Variants in RCC1L observed in about 807,000 individuals in gnomAD.
The protein encoded by RCC1L is RCC1 like.
Under a neutral mutation model 58.6 loss-of-function variants are expected in RCC1L, and 46 were observed. The observed-to-expected ratio is 0.79, with a 90% CI of 0.62 to 1.00. The LOEUF is 1.00. Among genes scored for constraint, RCC1L ranks in the 50% least tolerant of loss-of-function variants. The probability of loss-of-function intolerance (pLI) is 0.00; values close to 1 mark genes in which losing one functional copy is unlikely to be tolerated. For missense variants in RCC1L, 636 were observed against 623.6 expected (o/e 1.02, Z -0.21); for synonymous variants, 281 against 262.9 (o/e 1.07, Z -0.67).
intron 4 of RCC1L, among the ~76,000 whole-genome samples, 160 bp downstream of exon 4, chr7:75,064,422 A>G (rs1051272090): frequency 6.6e-6 from 1 of 151,748 alleles, no homozygotes; most frequent in African/African-American, 2.4e-5. Flanking sequence ...CATGGCGCTC[A>G]ACCTGAAACA....
At chr7:75,070,178 G>A (rs1554445816) in intron 2 of RCC1L, among the ~76,000 whole-genome samples, 1 of 152,094 alleles carries the variant, frequency 6.6e-6, no homozygotes. Context: ...TACCAAAGAG[G>A]CTAAAAAATA....
At chr7:75,049,709 T>C (rs1805847853) in intron 10 of RCC1L, among the ~76,000 whole-genome samples, 1 of 150,976 alleles carries the variant, frequency 6.6e-6, no homozygotes, top group Non-Finnish European at 1.5e-5. Context: ...CAAGACCCCA[T>C]CTCTACAAAA....
intron 10 of RCC1L, among the ~76,000 whole-genome samples, chr7:75,047,788 A>G (rs1318313549): frequency 1.3e-5 from 2 of 151,310 alleles, no homozygotes; most frequent in Non-Finnish European, 2.9e-5. Context: ...CTGGGATTAC[A>G]GGCGTGCACC....
chr7:75,052,627 C>G, intron 10 of RCC1L, 84 bp downstream of exon 10: 1 of 1,334,846 alleles, frequency 7.5e-7, no homozygotes, highest in Non-Finnish European at 1.1e-6. Flanking sequence ...TCGTCCTGGC[C>G]CATCTGCACG....
At chr7:75,045,901 T>C (rs1805705695) in intron 10 of RCC1L, among the ~76,000 whole-genome samples, 1 of 152,218 alleles carries the variant, frequency 6.6e-6, no homozygotes, top group African/African-American at 2.4e-5. Flanking sequence ...TGGCACTTGA[T>C]CTACTGACCA....
intron 3 of RCC1L, 140 bp downstream of exon 3, chr7:75,066,524 A>T: frequency 9.3e-7 from 1 of 1,079,868 alleles, no homozygotes; most frequent in Non-Finnish European, 1.3e-6. Context: ...GAGCAATCCC[A>T]CTGATCTGCT....
At chr7:75,065,127 G>A (rs587691768) in intron 3 of RCC1L, among the ~76,000 whole-genome samples, 1 of 151,320 alleles carries the variant, frequency 6.6e-6, no homozygotes, top group East Asian at 1.9e-4. Flanking sequence ...TGACAGCCTT[G>A]TGTGTGATCT....
At position 75,042,950 on chromosome 7, in the gene RCC1L, C is replaced by CG. The variant is rs1322005772; in HGVS notation, c.*81dup. On this transcript the variant is annotated 3_prime_UTR_variant, in exon 11 of 11. Transcript: ENST00000610322. ...CTCCGCCACCACCATCCAAGAACCC[C>CG]GGGGGGCTGGCCACGCGCTGGCCTC... 353 of 1,606,456 alleles carry CG rather than the reference C, an allele frequency of 2.2e-4. 2 individuals are homozygous for CG. In the South Asian group the frequency reaches 3.8e-3, roughly 17 times the overall value.
At chr7:75,035,347 C>G (rs1005416333) in intron 10 of RCC1L, among the ~76,000 whole-genome samples, 111 of 152,272 alleles carry the variant, frequency 7.3e-4, no homozygotes, top group Non-Finnish European at 1.4e-3. Context: ...CCTACTTTAG[C>G]AGCAGAAACA....
At chr7:75,055,857 C>T in intron 9 of RCC1L, 44 bp downstream of exon 9, 6 of 1,612,586 alleles carry the variant, frequency 3.7e-6, no homozygotes, top group Non-Finnish European at 4.2e-6. Flanking sequence ...AGACAGAGAA[C>T]CTCTGCTGGG....
intron 10 of RCC1L, among the ~76,000 whole-genome samples, chr7:75,046,241 G>A (rs912994711): frequency 2.4e-4 from 36 of 152,318 alleles, no homozygotes; most frequent in African/African-American, 6.7e-4. Context: ...CAAGAACGGG[G>A]CCCAGTGAAT....
chr7:75,028,051 G>T lies in RCC1L; in HGVS notation c.1346C>A (p.Thr449Lys), dbSNP rs971299370. The change falls in exon 11 of 11, where the codon ACA becomes AAA. Residue 449 changes from threonine to lysine, a missense_variant. Coordinates refer to the RCC1L transcript ENST00000614461. ...AGGTAATCAGAGGAGTGGGCCTGTT[G>T]TCTTGGCGCTGGCGGATGGGGCAGG... 120 of 1,534,296 alleles carry T rather than the reference G, an allele frequency of 7.8e-5. 1 individual carries two copies. The highest frequency in any genetic ancestry group is 9.8e-5 in the Admixed American group (5 of 50,934).
intron 3 of RCC1L, among the ~76,000 whole-genome samples, chr7:75,065,454 C>G (rs782542459): frequency 7.2e-5 from 11 of 152,234 alleles, no homozygotes; most frequent in African/African-American, 2.6e-4. Flanking sequence ...ACTCGGGAAA[C>G]TGAGGCAGGA....
At position 75,073,733 on chromosome 7, in the gene RCC1L, G is replaced by A. The variant is rs782753840; in HGVS notation, c.5C>T (p.Ala2Val). The A allele has an allele frequency of 7.3e-6, 11 of 1,502,896 alleles. No individual in the cohort carries two copies. The South Asian group carries it at 1.2e-4, about 17-fold the overall frequency. 93.1% of individuals were successfully genotyped at this position (1,502,896 alleles called of 1,614,324 possible). ...AGCCCCAGCCACCAACGCCACCAGC[G>A]CCATCCTCCGTTCCGCGCCTCAGCA... M[A>V]LVALVAGARL... Residue 2 changes from alanine to valine, a missense_variant, in exon 1 of 11, where the codon GCG (alanine) becomes GTG (valine). By Grantham distance (64) the Ala-to-Val change is moderately conservative. Transcript: ENST00000610322.
chr7:75,073,492 G>C lies in RCC1L; in HGVS notation c.246C>G (p.Ser82=), dbSNP rs2115577873. ...LGVPSFVVPS[S]GPGPRAGARP... is the part of the protein sequence containing the mutation. ...GGGCGCCGGCGCGGGGCCCGGGCCC[G>C]GAGCTGGGCACCACAAAGGAAGGCA... Residue 82 remains serine (S), a synonymous_variant, in exon 1 of 11, where the codon TCC becomes TCG. Transcript: ENST00000610322. 2 of 1,381,434 alleles carry C rather than the reference G, an allele frequency of 1.4e-6. No individual in the cohort carries two copies. The highest frequency in any genetic ancestry group is 1.9e-6 in the Non-Finnish European group (2 of 1,072,028). The allele number at this position is 1,381,434 out of a possible 1,614,324, so 85.6% of individuals were successfully genotyped here. A position where few individuals can be genotyped will look rare whatever the true frequency, so the allele number is the denominator to read the frequency against.
At chr7:75,052,288 C>T (rs1328101940) in intron 10 of RCC1L, among the ~76,000 whole-genome samples, 2 of 152,338 alleles carry the variant, frequency 1.3e-5, no homozygotes, top group East Asian at 1.9e-4. Flanking sequence ...ATATCTCCCC[C>T]TCTCCGGAGC....
intron 10 of RCC1L, among the ~76,000 whole-genome samples, chr7:75,035,495 A>C (rs1197732637): frequency 3.3e-5 from 5 of 152,218 alleles, no homozygotes; most frequent in Non-Finnish European, 2.9e-5. Flanking sequence ...AACTCAAAAA[A>C]ATTAAATGAA....
Position 75,066,721 on chromosome 7 carries a change from C to T in RCC1L, c.526G>A (p.Val176Met), listed in dbSNP as rs897042268. ...GCTCGGCCGCAGGAGACCTGCAGCACCCGTGTCTCCTGAGGTCTGTCCAGA... is the reference window on the plus strand; with the variant it reads ...GCTCGGCCGCAGGAGACCTGCAGCATCCGTGTCTCCTGAGGTCTGTCCAGA... Reference protein sequence around the residue: ...LPLDRPQETRVLQVSCGRAHS... With the variant: ...LPLDRPQETRMLQVSCGRAHS... Residue 176 changes from valine (V) to methionine (M), a missense_variant, in exon 3 of 11, where the codon GTG becomes ATG. Coordinates refer to ENST00000610322, the MANE Select transcript of RCC1L (RefSeq NM_030798.5). 3.1e-6 allele frequency: 5 copies of T among 1,613,560 alleles called. No homozygotes were observed. The African/African-American group carries it at 5.3e-5, about 17-fold the overall frequency.
In RCC1L at chr7:75,058,697, T is replaced by C. The variant is rs1415889228; in HGVS notation, c.860A>G (p.Gln287Arg). Residue 287 changes from glutamine to arginine, a missense_variant, in exon 7 of 11, where the codon CAA (glutamine) becomes CGA (arginine). Physicochemically the swap from Gln to Arg is conservative, Grantham distance 43. Transcript: ENST00000610322. Reference sequence around the variant, plus strand: ...GCAGCAATCACCGTAGGTGGCAACTTGGATAACGTTCACTCCCGCCAGGTC... The same window carrying C: ...GCAGCAATCACCGTAGGTGGCAACTCGGATAACGTTCACTCCCGCCAGGTC... The part of the protein sequence containing the change: ...GGDLAGVNVI[Q>R]VATYGDCCLA... The C allele has an allele frequency of 6.2e-7, 1 of 1,613,832 alleles. No homozygotes were observed. Among genetic ancestry groups the C allele is most frequent in the Admixed American group, 1.7e-5 (1 of 59,984 alleles).
Sources: gnomAD v4.1 joint callset for allele counts (sites outside exome capture counted in the v4.1 genomes callset) on GRCh38, gnomAD v4.1.1 for gene constraint, MANE v1.5 for transcripts, NCBI Gene and HGNC (gene_info 2026-07-23, HGNC 2026-07-21) for gene names.